SPPL2A: variants seen among roughly 807,000 people sequenced by gnomAD.
The protein encoded by SPPL2A is signal peptide peptidase-like 2A.
SPPL2A carries 51 observed loss-of-function variants against 63.8 expected under a neutral mutation model. The ratio of observed to expected loss-of-function variants is 0.80; its 90% CI spans 0.64 to 1.01. SPPL2A has a LOEUF of 1.01. Ranked by LOEUF, SPPL2A falls within the 50% of genes least tolerant of loss-of-function variation. The pLI, the probability that SPPL2A is intolerant of heterozygous loss-of-function variation, is 0.00. For synonymous variants in SPPL2A, 188 were observed against 205.8 expected, an observed-to-expected ratio of 0.91 and a Z score of 0.74; for missense variants, 553 against 622.7, an observed-to-expected ratio of 0.89 and a Z score of 1.19.
At chr15:50,724,522 G>A (rs1169658900) in intron 12 of SPPL2A, among the ~76,000 whole-genome samples, 2 of 151,336 alleles carry the variant, frequency 1.3e-5, no homozygotes, top group South Asian at 2.1e-4. Flanking sequence ...AGGTTGCAGT[G>A]AGCTGAGGTC....
chr15:50,739,381 G>T (rs1162537917), intron 6 of SPPL2A, among the ~76,000 whole-genome samples: 1 of 151,914 alleles, frequency 6.6e-6, no homozygotes, highest in African/African-American at 2.4e-5. Context: ...GTTTCTCCAT[G>T]TTGGTCAGGC....
intron 14 of SPPL2A, among the ~76,000 whole-genome samples, chr15:50,713,196 A>C (rs2062573100): frequency 2.0e-5 from 3 of 152,138 alleles, no homozygotes; most frequent in Admixed American, 2.0e-4. Context: ...AAAGGGAAAT[A>C]ATTTTGTAAA....
At chr15:50,761,362 A>G (rs1392293651) in intron 1 of SPPL2A, among the ~76,000 whole-genome samples, 2 of 152,104 alleles carry the variant, frequency 1.3e-5, no homozygotes, top group African/African-American at 4.8e-5. Context: ...CACACCTGCA[A>G]CCCCACACTT....
chr15:50,753,684 T>C (rs964677099), intron 1 of SPPL2A, among the ~76,000 whole-genome samples: 5 of 152,220 alleles, frequency 3.3e-5, no homozygotes, highest in Admixed American at 6.5e-5. Context: ...CAAGTACTTA[T>C]GCAATGTAAA....
chr15:50,752,632 T>C (rs2141055954), intron 1 of SPPL2A, among the ~76,000 whole-genome samples: 1 of 151,724 alleles, frequency 6.6e-6, no homozygotes, highest in African/African-American at 2.4e-5. Flanking sequence ...GCAGGAAAAT[T>C]GCTTGAACCT....
chr15:50,736,186 T>C lies in SPPL2A; in HGVS notation c.847A>G (p.Lys283Glu). 2 of 1,608,254 alleles carry C rather than the reference T, an allele frequency of 1.2e-6. 1 individual carries two copies. The highest frequency in any genetic ancestry group is 2.2e-5 in the South Asian group (2 of 90,954). Residue 283 changes from lysine to glutamate, a missense_variant, in exon 8 of 15, where the codon AAA becomes GAA. Lys to Glu is a moderately conservative substitution (Grantham distance 56, BLOSUM62 1). Transcript: ENST00000261854. ...YGQCTIACRG[K>E]NMEVRLIFLS... ...AAAATAAGTCTCACTTCCATGTTTT[T>C]GCCACGACATGCAATCCTAAAAAAC...
rs1044076865 is a variant in SPPL2A, at chr15:50,759,700, G to T, written c.66+5768C>A. ...AGAGGTTGCAGTGAGCCGAGATTGC[G>T]CCACTGCACTCTAGCCTGGGCGACA... On this transcript the variant is annotated intron_variant, in intron 1 of 14. Transcript: ENST00000261854. Among the ~76,000 whole-genome samples the T allele has an allele frequency of 2.0e-5, 3 of 151,324 alleles. No homozygotes were observed. In the South Asian group the frequency reaches 6.3e-4, roughly 32 times the overall value.
Position 50,703,356 on chromosome 15 carries a change from A to ATATATATTTTT in SPPL2A, c.*4443_*4444insAAAAATATATA, listed in dbSNP as rs1196710672. 21 of 62,040 alleles carry ATATATATTTTT rather than the reference A, an allele frequency of 3.4e-4. No homozygotes were observed. The highest frequency in any genetic ancestry group is 1.4e-3 in the African/African-American group (20 of 14,238). The allele number at this position is 62,040 out of a possible 1,614,324, so 3.8% of individuals were successfully genotyped here. ...TATATATATATATATACATATATATATTTTTTTTTTTTTTTTTTTTTTTTG... is the reference window on the plus strand; with the variant it reads ...TATATATATATATATACATATATATATATATATTTTTTTTTTTTTTTTTTTTTTTTTTTTTG... On this transcript the variant is annotated 3_prime_UTR_variant, in exon 15 of 15. Coordinates refer to ENST00000261854, the MANE Select transcript of SPPL2A (RefSeq NM_032802.4).
rs775021087 is a variant in SPPL2A at position 50,736,639 on chromosome 15, C to T, written c.830+5G>A. On this transcript the variant is annotated splice_donor_5th_base_variant and intron_variant, in intron 7 of 14. Coordinates refer to ENST00000261854, the MANE Select transcript of SPPL2A (RefSeq NM_032802.4). ...ATTATAAGATTTCCTGTAAGAGATACGTACGTGCATTGTCCATATGGTATC... is the reference window on the plus strand; with the variant it reads ...ATTATAAGATTTCCTGTAAGAGATATGTACGTGCATTGTCCATATGGTATC... 6.8e-6 allele frequency: 10 copies of T among 1,466,040 alleles called. No individual in the cohort carries two copies. Among genetic ancestry groups the T allele is most frequent in the Admixed American group, 1.8e-5 (1 of 55,572 alleles). The allele number at this position is 1,466,040 out of a possible 1,614,324, so 90.8% of individuals were successfully genotyped here.
At chr15:50,764,776 T>C (rs1484338445) in intron 1 of SPPL2A, among the ~76,000 whole-genome samples, 1 of 152,178 alleles carries the variant, frequency 6.6e-6, no homozygotes, top group Non-Finnish European at 1.5e-5. Context: ...TGAACACATA[T>C]TTCTTACTTA....
In SPPL2A at chr15:50,765,629, G is replaced by T; in HGVS notation, c.-96C>A. ...CGCCGCTGCGCTGCCTCCGTGGCCGGACCGGACCGGACAGGCGCGGGCGGC... is the reference window on the plus strand; with the variant it reads ...CGCCGCTGCGCTGCCTCCGTGGCCGTACCGGACCGGACAGGCGCGGGCGGC... On this transcript the variant is annotated 5_prime_UTR_variant, in exon 1 of 15. Coordinates refer to ENST00000261854, the MANE Select transcript of SPPL2A (RefSeq NM_032802.4). 1 of 843,790 alleles carries T rather than the reference G, an allele frequency of 1.2e-6. No homozygotes were observed. Among genetic ancestry groups the T allele is most frequent in the Non-Finnish European group, 1.6e-6 (1 of 613,974 alleles). The allele number at this position is 843,790 out of a possible 1,614,324, so 52.3% of individuals were successfully genotyped here. A position where few individuals can be genotyped will look rare whatever the true frequency, so the allele number is the denominator to read the frequency against.
At chr15:50,715,744 T>TA (rs998949779) in intron 14 of SPPL2A, among the ~76,000 whole-genome samples, 1 of 152,116 alleles carries the variant, frequency 6.6e-6, no homozygotes, top group South Asian at 2.1e-4. Context: ...ATGCAATCAG[T>TA]AAAGGTCTAT....
chr15:50,736,079 C>A, intron 8 of SPPL2A, 22 bp downstream of exon 8: 1 of 1,404,650 alleles, frequency 7.1e-7, no homozygotes, highest in South Asian at 1.2e-5. Context: ...AATCTAAAAG[C>A]AAATACATTG....
At chr15:50,709,808 T>TA (rs1480731810) in intron 14 of SPPL2A, among the ~76,000 whole-genome samples, 1 of 150,990 alleles carries the variant, frequency 6.6e-6, no homozygotes, top group African/African-American at 2.4e-5. Context: ...ATAAAAAAAA[T>TA]AAAAAAATAA....
intron 1 of SPPL2A, among the ~76,000 whole-genome samples, chr15:50,750,841 C>T (rs1489802509): frequency 2.0e-5 from 3 of 152,272 alleles, no homozygotes; most frequent in African/African-American, 2.4e-5. Flanking sequence ...TTTCTAAACC[C>T]GTAAGGAAGG....
At chr15:50,739,033 A>G (rs901809505) in intron 6 of SPPL2A, among the ~76,000 whole-genome samples, 5 of 152,172 alleles carry the variant, frequency 3.3e-5, no homozygotes, top group Non-Finnish European at 7.3e-5. Flanking sequence ...GTAACTAAAT[A>G]TAGCCACCAA....
At chr15:50,711,503 G>A (rs774430927) in intron 14 of SPPL2A, among the ~76,000 whole-genome samples, 7 of 152,072 alleles carry the variant, frequency 4.6e-5, no homozygotes, top group African/African-American at 1.2e-4. Context: ...GAGCCACCGC[G>A]CCCAGGCCAA....
intron 11 of SPPL2A, chr15:50,725,876 A>G (rs1287478750): frequency 3.4e-6 from 1 of 291,326 alleles, no homozygotes. Context: ...TAGGATTAAC[A>G]GTATTAACCA....
intron 12 of SPPL2A, among the ~76,000 whole-genome samples, chr15:50,722,450 T>C (rs759904531): frequency 6.6e-6 from 1 of 152,124 alleles, no homozygotes; most frequent in Non-Finnish European, 1.5e-5. Flanking sequence ...ATATTCCATG[T>C]CATGAAGAAA....
Sources: gnomAD v4.1 joint callset for allele counts (sites outside exome capture counted in the v4.1 genomes callset) on GRCh38, gnomAD v4.1.1 for gene constraint, MANE v1.5 for transcripts, NCBI Gene and HGNC (gene_info 2026-07-23, HGNC 2026-07-21) for gene names.